The following OCA2 variants were observed in gnomAD, a reference collection of about 807,000 sequenced individuals.
OCA2 encodes the protein P protein.
A neutral mutation model predicts 100.2 loss-of-function variants in OCA2; 77 were observed. The ratio of observed to expected loss-of-function variants is 0.77; its 90% confidence interval spans 0.64 to 0.93. The LOEUF (loss-of-function observed/expected upper bound fraction) is 0.93. OCA2 is among the 40% of genes least tolerant of loss of function. The pLI is 0.00. For synonymous variants in OCA2, 432 were observed against 439.2 expected (o/e 0.98, Z 0.21); for missense variants, 1,062 against 1,089.1 (o/e 0.98, Z 0.35).
At chr15:28,023,891 C>G (rs986339498) in intron 5 of OCA2, among the ~76,000 whole-genome samples, 22 of 152,080 alleles carry the variant, frequency 1.4e-4, no homozygotes, top group Non-Finnish European at 1.5e-5. Flanking sequence ...ATAGAGCAGG[C>G]ACAGGGGACC....
At chr15:27,955,350 G>A in intron 16 of OCA2, 135 bp from the exon 17 acceptor site, 1 of 732,578 alleles carries the variant, frequency 1.4e-6, no homozygotes, top group Admixed American at 2.1e-5. Flanking sequence ...TAGTCATGGG[G>A]GGCCGGTGGG....
At chr15:27,966,627 T>C in intron 15 of OCA2, 63 bp downstream of exon 15, 1 of 1,594,570 alleles carries the variant, frequency 6.3e-7, no homozygotes, top group Non-Finnish European at 8.6e-7. Flanking sequence ...GAACTTCTCC[T>C]GGTAAACAAA....
intron 23 of OCA2, among the ~76,000 whole-genome samples, chr15:27,793,156 G>A (rs562965166): frequency 1.3e-5 from 2 of 152,316 alleles, no homozygotes; most frequent in African/African-American, 4.8e-5. Context: ...GATCAATGGG[G>A]CTTGGCTACT....
chr15:28,070,253 C>T (rs2044193817), intron 2 of OCA2, among the ~76,000 whole-genome samples: 1 of 140,822 alleles, frequency 7.1e-6, no homozygotes, highest in African/African-American at 3.0e-5. Context: ...CGGCAGCCAC[C>T]CCATCTGGGA....
At chr15:28,098,753 G>A (rs904260720) in intron 1 of OCA2, among the ~76,000 whole-genome samples, 2 of 152,226 alleles carry the variant, frequency 1.3e-5, no homozygotes, top group African/African-American at 4.8e-5. Context: ...CTGCACTAAT[G>A]CCCATTGATT....
rs148521931 is a variant in OCA2 at position 28,066,154 on chromosome 15, C to T, written c.227+15494G>A. 1.4e-3 allele frequency among the ~76,000 whole-genome samples: 213 copies of T among 152,266 alleles called. 1 individual carries two copies. The highest frequency in any genetic ancestry group is 4.6e-3 in the African/African-American group (192 of 41,556). The stretch of plus-strand genomic sequence containing the variant: ...AATGTAAATTGATGTTTTACAACAA[C>T]ACCAAAAAATGAGTCACTTGGAGAT... On this transcript the variant is annotated intron_variant, in intron 2 of 23. Transcript: ENST00000354638.
chr15:28,080,763 ACAGT>A (rs1419601582), intron 2 of OCA2, among the ~76,000 whole-genome samples: 9 of 152,246 alleles, frequency 5.9e-5, no homozygotes, highest in Non-Finnish European at 8.8e-5. Flanking sequence ...CCCAACAAAG[ACAGT>A]CAGAGACACC....
chr15:27,897,888 A>C (rs1235246180), intron 19 of OCA2, among the ~76,000 whole-genome samples: 1 of 152,216 alleles, frequency 6.6e-6, no homozygotes, highest in Admixed American at 6.5e-5. Context: ...AGACCATGGG[A>C]ACCCACCTCT....
At chr15:27,826,657 A>G (rs1156925952) in intron 23 of OCA2, among the ~76,000 whole-genome samples, 2 of 152,212 alleles carry the variant, frequency 1.3e-5, no homozygotes, top group Non-Finnish European at 1.5e-5. Context: ...TTCCCAGGAA[A>G]GAAACTCAGG....
At chr15:28,049,579 A>G (rs1327705236) in intron 2 of OCA2, among the ~76,000 whole-genome samples, 1 of 152,222 alleles carries the variant, frequency 6.6e-6, no homozygotes, top group African/African-American at 2.4e-5. Flanking sequence ...GTCTATCAAT[A>G]AAAGATTAAT....
At chr15:27,828,468 T>C (rs530373847) in intron 23 of OCA2, among the ~76,000 whole-genome samples, 2 of 152,278 alleles carry the variant, frequency 1.3e-5, no homozygotes, top group East Asian at 1.9e-4. Flanking sequence ...TCCTCACTTT[T>C]ATGTTCAGAG....
At chr15:27,853,903 CAAT>C (rs1202830517) in intron 21 of OCA2, among the ~76,000 whole-genome samples, 1 of 152,194 alleles carries the variant, frequency 6.6e-6, no homozygotes, top group Non-Finnish European at 1.5e-5. Flanking sequence ...GAATGATGTG[CAAT>C]AATATTCGAT....
chr15:27,862,492 T>G (rs987725234), intron 21 of OCA2, among the ~76,000 whole-genome samples: 6 of 151,346 alleles, frequency 4.0e-5, no homozygotes, highest in Non-Finnish European at 8.8e-5. Context: ...TTTTTTTTTT[T>G]GAGATGGAGT....
intron 18 of OCA2, among the ~76,000 whole-genome samples, chr15:27,947,898 T>C (rs1472163290): frequency 6.6e-6 from 1 of 152,086 alleles, no homozygotes; most frequent in Non-Finnish European, 1.5e-5. Context: ...AGCTCCCGGA[T>C]GAAGAACACA....
At chr15:28,056,309 T>C (rs1031372820) in intron 2 of OCA2, among the ~76,000 whole-genome samples, 1 of 152,236 alleles carries the variant, frequency 6.6e-6, no homozygotes, top group Admixed American at 6.5e-5. Context: ...GGAGCCTCTC[T>C]TCTTGAGCAC....
chr15:27,809,586 T>C (rs953654774), intron 23 of OCA2, among the ~76,000 whole-genome samples: 1 of 152,174 alleles, frequency 6.6e-6, no homozygotes. Flanking sequence ...ACTATCACTG[T>C]TTGCTGAAGA....
At chr15:27,921,718 T>C (rs1176713808) in intron 19 of OCA2, among the ~76,000 whole-genome samples, 2 of 152,200 alleles carry the variant, frequency 1.3e-5, no homozygotes, top group Admixed American at 6.5e-5. Flanking sequence ...TCTTTTGTTT[T>C]GATACATGGT....
chr15:27,795,315 C>T (rs1755937147), intron 23 of OCA2, among the ~76,000 whole-genome samples: 1 of 152,184 alleles, frequency 6.6e-6, no homozygotes, highest in African/African-American at 2.4e-5. Context: ...CTATTTTGGA[C>T]ATGTTTTTGT....
chr15:28,052,858 G>A (rs769802180), intron 2 of OCA2, among the ~76,000 whole-genome samples: 6 of 152,140 alleles, frequency 3.9e-5, no homozygotes, highest in African/African-American at 7.2e-5. Context: ...TAGGAAGGGG[G>A]TAATGGACAG....
Sources: allele counts gnomAD v4.1 joint callset (sites outside exome capture counted in the v4.1 genomes callset), GRCh38; gene constraint gnomAD v4.1.1; transcripts MANE v1.5; gene names NCBI Gene and HGNC (gene_info 2026-07-23, HGNC 2026-07-21).